LANCL1: variants seen among roughly 807,000 people sequenced by gnomAD.
The protein encoded by LANCL1 is glutathione S-transferase LANCL1.
In LANCL1, 50 loss-of-function variants were observed where a neutral mutation model predicts 50.6. The ratio of observed to expected loss-of-function variants is 0.99; its 90% CI spans 0.79 to 1.25. The LOEUF is 1.25. Ranked by LOEUF, LANCL1 falls within the 50% of genes most tolerant of loss-of-function variation. The pLI is 0.00. For synonymous variants in LANCL1, 188 were observed against 178.6 expected, an observed-to-expected ratio of 1.05 and a Z score of -0.42; for missense variants, 532 against 480.7, an observed-to-expected ratio of 1.11 and a Z score of -1.00.
chr2:210,455,238 T>C lies in LANCL1; in HGVS notation c.276A>G (p.Val92=). The C allele has an allele frequency of 6.2e-7, 1 of 1,613,078 alleles. No homozygotes were observed. The highest frequency in any genetic ancestry group is 2.2e-5 in the East Asian group (1 of 44,834). ...TGGTTAAGCAGTTCAGACTTTGCTT[T>C]ACATAGCCATGTGCTAACTGTAGGT... ...PAYLQLAHGY[V]KQSLNCLTKR... Residue 92 remains valine, a synonymous_variant, in exon 4 of 10, where the codon GTA becomes GTG. Transcript: ENST00000450366.
In LANCL1 at chr2:210,436,437, A is replaced by C. The variant is rs774271801; in HGVS notation, c.874-45T>G. ...ATTTTATTATACGGGATATAAAAGA[A>C]AGTTCCATTGATATTCCTTCCTGAT... On this transcript the variant is annotated intron_variant, in intron 7 of 9. Coordinates refer to ENST00000450366, the MANE Select transcript of LANCL1 (RefSeq NM_006055.3). 4 of 1,562,650 alleles carry C rather than the reference A, an allele frequency of 2.6e-6. No individual in the cohort carries two copies. The Admixed American group carries it at 6.7e-5, about 26-fold the overall frequency.
intron 7 of LANCL1, among the ~76,000 whole-genome samples, chr2:210,437,007 G>T (rs889397905): frequency 3.3e-5 from 5 of 152,078 alleles, no homozygotes; most frequent in Non-Finnish European, 7.4e-5. Flanking sequence ...TACACTAAAA[G>T]CTTATTTATG....
chr2:210,441,067 T>G (rs77854394), intron 5 of LANCL1, among the ~76,000 whole-genome samples: 376 of 152,262 alleles, frequency 2.5e-3, no homozygotes, highest in African/African-American at 8.8e-3. Context: ...TAATCCTCTT[T>G]GGAGAGGGCC....
intron 3 of LANCL1, among the ~76,000 whole-genome samples, chr2:210,457,615 G>GA (rs1318438283): frequency 6.6e-6 from 1 of 152,094 alleles, no homozygotes; most frequent in East Asian, 1.9e-4. Context: ...GTTCTTCATG[G>GA]AAAAAATTAT....
intron 4 of LANCL1, chr2:210,442,668 G>A (rs193027068): frequency 6.6e-6 from 1 of 152,194 alleles, no homozygotes; most frequent in Non-Finnish European, 1.5e-5. Context: ...AAGGGGAAGA[G>A]GACAGGAATC....
chr2:210,458,969 GT>G (rs1013813399), intron 3 of LANCL1, among the ~76,000 whole-genome samples: 7 of 152,042 alleles, frequency 4.6e-5, no homozygotes, highest in African/African-American at 1.7e-4. Context: ...ACAAAAGCCG[GT>G]TTTAGCCAAG....
chr2:210,446,826 G>A lies in LANCL1; in HGVS notation c.408-5383C>T, dbSNP rs922716830. Among the ~76,000 whole-genome samples the A allele has an allele frequency of 3.9e-5, 6 of 151,984 alleles. 1 individual carries two copies. Among genetic ancestry groups the A allele is most frequent in the Middle Eastern group, 3.4e-3 (1 of 294 alleles). ...TAGAGAAAAAAGAATAAAAAGGAAC[G>A]AAAGCCTCCAAGAAATAACGGACTA... On this transcript the variant is annotated intron_variant, in intron 4 of 9. Coordinates refer to ENST00000450366, the MANE Select transcript of LANCL1 (RefSeq NM_006055.3).
intron 4 of LANCL1, among the ~76,000 whole-genome samples, chr2:210,445,648 C>A (rs1225508546): frequency 6.6e-6 from 1 of 152,014 alleles, no homozygotes; most frequent in African/African-American, 2.4e-5. Context: ...ACTGATAAAT[C>A]ATAATGGTTA....
In LANCL1 at chr2:210,450,131, G is replaced by T. The variant is rs553839771; in HGVS notation, c.407+4976C>A. Among the ~76,000 whole-genome samples, 5 of 152,196 alleles carry T rather than the reference G, an allele frequency of 3.3e-5. No homozygotes were observed. In the South Asian group the frequency reaches 1.0e-3, roughly 32 times the overall value. ...CATTAACCAAAACAGCATGGTACTG[G>T]TACCAAAAACAGATATATAGACCAA... On this transcript the variant is annotated intron_variant, in intron 4 of 9. Transcript: ENST00000450366.
chr2:210,435,527 T>C (rs1692897905), intron 8 of LANCL1, 68 bp from the exon 9 acceptor site: 5 of 1,181,238 alleles, frequency 4.2e-6, no homozygotes, highest in South Asian at 1.2e-5. Context: ...AGTTAAGAGG[T>C]TGTCTATACA....
At chr2:210,437,306 TC>T (rs1192015597) in intron 7 of LANCL1, among the ~76,000 whole-genome samples, 1 of 152,248 alleles carries the variant, frequency 6.6e-6, no homozygotes, top group Non-Finnish European at 1.5e-5. Context: ...TGTGATATGT[TC>T]CATTGTATAT....
Position 210,455,160 on chromosome 2 carries a change from A to G in LANCL1, c.354T>C (p.Ala118=), listed in dbSNP as rs754243754. 4.1e-5 allele frequency: 66 copies of G among 1,613,690 alleles called. 1 individual carries two copies. In the Middle Eastern group the frequency reaches 1.6e-3, roughly 40 times the overall value. The change falls in exon 4 of 10, where the codon GCT becomes GCC. Residue 118 remains alanine (A), a synonymous_variant. Coordinates refer to ENST00000450366, the MANE Select transcript of LANCL1 (RefSeq NM_006055.3). Reference sequence around the variant, plus strand: ...CATTGTTCATCTTGTGATATAGCACAGCGGCCACTGCCAGGGGGCCTGCAT... The same window carrying G: ...CATTGTTCATCTTGTGATATAGCACGGCGGCCACTGCCAGGGGGCCTGCAT... ...CGDAGPLAVA[A]VLYHKMNNEK...
intron 2 of LANCL1, among the ~76,000 whole-genome samples, chr2:210,474,805 A>T (rs1014038888): frequency 1.3e-5 from 2 of 152,088 alleles, no homozygotes; most frequent in African/African-American, 4.8e-5. Flanking sequence ...GGCAGTCTAA[A>T]TAGGTACATT....
chr2:210,435,965 G>T (rs1692917480), intron 8 of LANCL1, among the ~76,000 whole-genome samples: 1 of 129,302 alleles, frequency 7.7e-6, no homozygotes. Flanking sequence ...ACAATGGTGT[G>T]ATCTTGGCTC....
chr2:210,471,042 A>ATTTTTTTTTT (rs35572251), intron 3 of LANCL1, among the ~76,000 whole-genome samples: 1 of 96,286 alleles, frequency 1.0e-5, no homozygotes, highest in Non-Finnish European at 2.0e-5. Context: ...TTCTTCTTTG[A>ATTTTTTTTTT]TTTTTTTTTT....
chr2:210,455,720 A>G (rs2105909443), intron 3 of LANCL1, among the ~76,000 whole-genome samples: 1 of 152,234 alleles, frequency 6.6e-6, no homozygotes, highest in Non-Finnish European at 1.5e-5. Context: ...TTAATAAGAA[A>G]GGGTTTGTTG....
intron 4 of LANCL1, among the ~76,000 whole-genome samples, chr2:210,453,225 TTAGTACCAA>T (rs1261872403): frequency 6.6e-6 from 1 of 152,228 alleles, no homozygotes; most frequent in Non-Finnish European, 1.5e-5. Context: ...AACAACACCC[TTAGTACCAA>T]TATACCAAAA....
At chr2:210,457,095 C>G (rs1693695651) in intron 3 of LANCL1, among the ~76,000 whole-genome samples, 1 of 152,112 alleles carries the variant, frequency 6.6e-6, no homozygotes, top group Non-Finnish European at 1.5e-5. Context: ...GCCTCTGGGT[C>G]TGTGGATTTT....
At chr2:210,455,945 G>A (rs1372453605) in intron 3 of LANCL1, among the ~76,000 whole-genome samples, 1 of 151,266 alleles carries the variant, frequency 6.6e-6, no homozygotes, top group Non-Finnish European at 1.5e-5. Flanking sequence ...TTTTTCTGTC[G>A]AGGGCCCACC....
Sources: gnomAD v4.1 joint callset for allele counts (sites outside exome capture counted in the v4.1 genomes callset) on GRCh38, gnomAD v4.1.1 for gene constraint, MANE v1.5 for transcripts, NCBI Gene and HGNC (gene_info 2026-07-23, HGNC 2026-07-21) for gene names.